Variants in TADA2B observed in about 807,000 individuals in gnomAD.
TADA2B encodes the protein transcriptional adaptor 2B.
TADA2B carries 13 observed loss-of-function variants against 34.5 expected under a neutral mutation model. That is an observed-to-expected ratio of 0.38 (90% CI 0.25 to 0.60). The LOEUF is 0.60. Among genes scored for constraint, TADA2B ranks in the 20% least tolerant of loss-of-function variants. TADA2B has a pLI of 0.65. For synonymous variants in TADA2B, 240 were observed against 243.4 expected, an observed-to-expected ratio of 0.99 and a Z score of 0.13; for missense variants, 442 against 575.0, an observed-to-expected ratio of 0.77 and a Z score of 2.37.
At chr4:7,049,866 G>A (rs533831233) in intron 1 of TADA2B, among the ~76,000 whole-genome samples, 2 of 152,350 alleles carry the variant, frequency 1.3e-5, no homozygotes, top group African/African-American at 2.4e-5. Context: ...ACCTTTGCCC[G>A]GCCGCTCTGT....
At position 7,054,783 on chromosome 4, in the gene TADA2B, A is replaced by C; in HGVS notation, c.992A>C (p.Lys331Thr). The C allele has an allele frequency of 1.2e-6, 2 of 1,613,990 alleles. No individual in the cohort carries two copies. Among genetic ancestry groups the C allele is most frequent in the Non-Finnish European group, 1.7e-6 (2 of 1,179,902 alleles). Residue 331 changes from lysine (K) to threonine (T), a missense_variant, in exon 2 of 2, where the codon AAG becomes ACG. Lys to Thr is a moderately conservative substitution (Grantham distance 78). Transcript: ENST00000310074. The stretch of plus-strand genomic sequence containing the variant: ...AACCTAGCCGGCTCCAAACGGGGAA[A>C]GGAGGACGGCAAAGACAGCGAGTTC... ...NKNLAGSKRG[K>T]EDGKDSEFAA... is the part of the protein sequence containing the mutation.
chr4:7,051,587 A>T (rs1017145895), intron 1 of TADA2B, among the ~76,000 whole-genome samples: 1 of 131,294 alleles, frequency 7.6e-6, no homozygotes, highest in Non-Finnish European at 1.8e-5. Flanking sequence ...CAAGTAAGTA[A>T]GTTTTTTTTT....
Position 7,054,793 on chromosome 4 carries a change from C to T in TADA2B, c.1002C>T (p.Gly334=). ...LAGSKRGKED[G]KDSEFAAIEN... ...GCTCCAAACGGGGAAAGGAGGACGG[C>T]AAAGACAGCGAGTTCGCCGCCATTG... is the stretch of plus-strand genomic sequence containing the variant. The change falls in exon 2 of 2, where the codon GGC becomes GGT. Residue 334 remains glycine, a synonymous_variant. Coordinates refer to ENST00000310074, the MANE Select transcript of TADA2B (RefSeq NM_152293.3). 1 of 1,613,948 alleles carries T rather than the reference C, an allele frequency of 6.2e-7. No homozygotes were observed. The highest frequency in any genetic ancestry group is 8.5e-7 in the Non-Finnish European group (1 of 1,179,906).
At position 7,054,705 on chromosome 4, in the gene TADA2B, C is replaced by T. The variant is rs1224188494; in HGVS notation, c.914C>T (p.Ser305Leu). 3 of 1,613,806 alleles carry T rather than the reference C, an allele frequency of 1.9e-6. No homozygotes were observed. The highest frequency in any genetic ancestry group is 1.6e-4 in the Middle Eastern group (1 of 6,062). Reference protein sequence around the residue: ...RRNGITKMEESAEYEAARHKR... With the variant: ...RRNGITKMEELAEYEAARHKR... ...AACGGGATCACCAAGATGGAAGAGT[C>T]GGCAGAGTACGAGGCAGCGCGGCAT... The change falls in exon 2 of 2, where the codon TCG becomes TTG. Residue 305 changes from serine (S) to leucine (L), a missense_variant. Ser to Leu is a moderately radical substitution (Grantham distance 145). Around this residue, in one of 4 missense-constraint regions of TADA2B, gnomAD observed 4 missense variants for 18.0 expected, o/e 0.22. Transcript: ENST00000310074.
intron 1 of TADA2B, chr4:7,053,716 C>T (rs1292349353): frequency 2.1e-5 from 5 of 241,444 alleles, no homozygotes; most frequent in Middle Eastern, 1.5e-3. Context: ...CAGGTGGGCT[C>T]CTCTGGTCGC....
In TADA2B at chr4:7,056,903, CTTGTTTG is replaced by C. The variant is rs772146555; in HGVS notation, c.*1852_*1858del. 6.6e-6 allele frequency: 1 copy of C among 152,246 alleles called. No individual in the cohort carries two copies. Among genetic ancestry groups the C allele is most frequent in the African/African-American group, 2.4e-5 (1 of 41,462 alleles). The allele number at this position is 152,246 out of a possible 1,614,324, so 9.4% of individuals were successfully genotyped here. A position where few individuals can be genotyped will look rare whatever the true frequency, so the allele number is the denominator to read the frequency against. ...GGGGCTCCTGGCCCAGCAGCAGCAACTTGTTTGTTAGAATGCAGACGCGCAGGCCCCA... is the reference window on the plus strand; with the variant it reads ...GGGGCTCCTGGCCCAGCAGCAGCAACTTAGAATGCAGACGCGCAGGCCCCA... On this transcript the variant is annotated 3_prime_UTR_variant, in exon 2 of 2. Transcript: ENST00000310074.
At position 7,055,281 on chromosome 4, in the gene TADA2B, CAT is replaced by C. The variant is rs1220588890; in HGVS notation, c.*229_*230del. 23 of 541,792 alleles carry C rather than the reference CAT, an allele frequency of 4.2e-5. No homozygotes were observed. In the African/African-American group the frequency reaches 4.4e-4, roughly 10 times the overall value. The allele number at this position is 541,792 out of a possible 1,614,324, so 33.6% of individuals were successfully genotyped here. ...GTATTTTAAGTGAGTTCCTGCGAGT[CAT>C]ACACTGCGATGATGCTCCGCCTTTA... is the stretch of plus-strand genomic sequence containing the variant. On this transcript the variant is annotated 3_prime_UTR_variant, in exon 2 of 2. Transcript: ENST00000310074.
At chr4:7,046,153 T>TGACC (rs755326934) in intron 1 of TADA2B, 3 of 152,206 alleles carry the variant, frequency 2.0e-5, no homozygotes, top group Non-Finnish European at 4.4e-5. Context: ...CACTGGCCCG[T>TGACC]GACCACCCAC....
intron 1 of TADA2B, among the ~76,000 whole-genome samples, chr4:7,049,802 T>C (rs1346796113): frequency 6.6e-6 from 1 of 152,164 alleles, no homozygotes; most frequent in East Asian, 1.9e-4. Context: ...GGCCACCGCA[T>C]GGCCGTGACT....
chr4:7,050,168 C>A (rs1339897859), intron 1 of TADA2B, among the ~76,000 whole-genome samples: 1 of 152,248 alleles, frequency 6.6e-6, no homozygotes, highest in East Asian at 1.9e-4. Context: ...GGCTTGGAGC[C>A]CTCCCGCGCT....
intron 1 of TADA2B, chr4:7,053,115 G>C (rs1354750151): frequency 6.6e-6 from 1 of 152,486 alleles, no homozygotes; most frequent in African/African-American, 2.4e-5. Context: ...ACCCAGGCGG[G>C]CAGAGGCAGG....
In TADA2B at chr4:7,055,116, G is replaced by A; in HGVS notation, c.*62G>A. On this transcript the variant is annotated 3_prime_UTR_variant, in exon 2 of 2. Transcript: ENST00000310074. ...CAGTGTGCCAGCCAAAATGACTTGG[G>A]GGAGGGGAGCCGCTTCCCCACTGTT... The A allele has an allele frequency of 6.7e-7, 1 of 1,496,696 alleles. No homozygotes were observed. The highest frequency in any genetic ancestry group is 1.3e-5 in the South Asian group (1 of 74,136). 92.7% of individuals were successfully genotyped at this position (1,496,696 alleles called of 1,614,324 possible).
At position 7,048,864 on chromosome 4, in the gene TADA2B, G is replaced by A. The variant is rs562860795; in HGVS notation, c.270+5015G>A. The stretch of plus-strand genomic sequence containing the variant: ...GGCGTATTTCACTTTGCCTCATGTC[G>A]TCAGGGATCATCCGTGTTGTGGCAT... On this transcript the variant is annotated intron_variant, in intron 1 of 1. Transcript: ENST00000310074. Among the ~76,000 whole-genome samples, 8 of 152,274 alleles carry A rather than the reference G, an allele frequency of 5.3e-5. No homozygotes were observed. In the East Asian group the frequency reaches 7.7e-4, roughly 15 times the overall value.
At chr4:7,044,543 C>T (rs1022023783) in intron 1 of TADA2B, among the ~76,000 whole-genome samples, 3 of 152,176 alleles carry the variant, frequency 2.0e-5, no homozygotes, top group Non-Finnish European at 4.4e-5. Flanking sequence ...ACTGGATCCA[C>T]TTACGCTAGC....
intron 1 of TADA2B, among the ~76,000 whole-genome samples, chr4:7,051,409 T>C (rs558087899): frequency 1.4e-3 from 213 of 152,224 alleles, no homozygotes; most frequent in Non-Finnish European, 2.6e-3. Flanking sequence ...AATGTCTGGC[T>C]GGGTGCTGGG....
chr4:7,054,992 C>G lies in TADA2B; in HGVS notation c.1201C>G (p.Leu401Val), dbSNP rs761353173. The G allele has an allele frequency of 1.2e-6, 2 of 1,613,106 alleles. No homozygotes were observed. Among genetic ancestry groups the G allele is most frequent in the South Asian group, 2.2e-5 (2 of 90,978 alleles). ...SRLPSYLDKV[L>V]KKRILNFLTE... ...CCTTCCTAGCTACCTGGACAAAGTC[C>G]TAAAGAAAAGGATTTTGAATTTCCT... The change falls in exon 2 of 2, where the codon CTA (leucine) becomes GTA (valine). Residue 401 changes from leucine (L) to valine (V), a missense_variant. Leu to Val is a conservative substitution (Grantham distance 32). This residue lies in a region of TADA2B where 114 missense variants were observed against 144.7 expected (regional missense o/e 0.79). Transcript: ENST00000310074.
Position 7,054,357 on chromosome 4 carries a change from C to T in TADA2B, c.566C>T (p.Ser189Phe), listed in dbSNP as rs750763128. 2 of 1,613,454 alleles carry T rather than the reference C, an allele frequency of 1.2e-6. No individual in the cohort carries two copies. Among genetic ancestry groups the T allele is most frequent in the Non-Finnish European group, 8.5e-7 (1 of 1,179,916 alleles). ...GCCGAGACGCTCATCAGCGGGCTCT[C>T]TGTCAACTATGATGACGACGACGTG... is the stretch of plus-strand genomic sequence containing the variant. ...QDAETLISGL[S>F]VNYDDDDVEI... The change falls in exon 2 of 2, where the codon TCT (serine) becomes TTT (phenylalanine). Residue 189 changes from serine to phenylalanine, a missense_variant. Coordinates refer to ENST00000310074, the MANE Select transcript of TADA2B (RefSeq NM_152293.3).
intron 1 of TADA2B, among the ~76,000 whole-genome samples, chr4:7,049,866 G>T (rs533831233): frequency 6.6e-6 from 1 of 152,232 alleles, no homozygotes; most frequent in Non-Finnish European, 1.5e-5. Flanking sequence ...ACCTTTGCCC[G>T]GCCGCTCTGT....
chr4:7,051,767 T>G (rs911304369), intron 1 of TADA2B, among the ~76,000 whole-genome samples: 1 of 152,036 alleles, frequency 6.6e-6, no homozygotes, highest in Non-Finnish European at 1.5e-5. Context: ...CTGGCTAATT[T>G]TTTGTATTTT....
Sources: allele counts gnomAD v4.1 joint callset (sites outside exome capture counted in the v4.1 genomes callset), GRCh38; gene constraint gnomAD v4.1.1; regional missense constraint gnomAD v4.1.1; transcripts MANE v1.5; gene names NCBI Gene and HGNC (gene_info 2026-07-23, HGNC 2026-07-21).